The following ITGB5 variants were observed in gnomAD, a reference collection of about 807,000 sequenced individuals.
The protein encoded by ITGB5 is integrin beta-5.
A neutral mutation model predicts 84.8 loss-of-function variants in ITGB5; 38 were observed. The ratio of observed to expected loss-of-function variants is 0.45; its 90% CI spans 0.35 to 0.59. ITGB5 has a LOEUF of 0.59. Among genes scored for constraint, ITGB5 ranks in the 20% least tolerant of loss-of-function variants. ITGB5 has a pLI of 0.01. For synonymous variants in ITGB5, 393 were observed against 414.4 expected (o/e 0.95, Z 0.63); for missense variants, 905 against 1,034.5 (o/e 0.87, Z 1.72).
rs956212257 is a variant in ITGB5, at chr3:124,773,773, C to T, written c.1833G>A (p.Gly611=). ...CCCCCGGCTCCGTGCATTGGCACTG[C>T]CCACAGAGACAGTGCCCACGCTCGC... The part of the protein sequence containing the change: ...ICSERGHCLC[G]QCQCTEPGAF... Residue 611 remains glycine (G), a synonymous_variant, in exon 11 of 15, where the codon GGG becomes GGA. Transcript: ENST00000296181. 2 of 1,613,374 alleles carry T rather than the reference C, an allele frequency of 1.2e-6. No individual in the cohort carries two copies. Among genetic ancestry groups the T allele is most frequent in the African/African-American group, 2.7e-5 (2 of 74,930 alleles).
chr3:124,838,369 A>AT (rs1006751962), intron 5 of ITGB5, among the ~76,000 whole-genome samples: 5 of 152,082 alleles, frequency 3.3e-5, no homozygotes, highest in South Asian at 2.1e-4. Flanking sequence ...TCTTTTCCAC[A>AT]TTTTTTCTTT....
chr3:124,871,551 C>T (rs931814711), intron 2 of ITGB5, among the ~76,000 whole-genome samples: 9 of 152,170 alleles, frequency 5.9e-5, no homozygotes, highest in Non-Finnish European at 1.0e-4. Context: ...AGGGGCCGGG[C>T]ATGGTGGCTC....
At chr3:124,848,672 G>T in intron 3 of ITGB5, 114 bp from the exon 4 acceptor site, 1 of 1,161,340 alleles carries the variant, frequency 8.6e-7, no homozygotes, top group Non-Finnish European at 1.2e-6. Flanking sequence ...GTGATTGTGT[G>T]CCTCACAGAA....
rs189453031 is a variant in ITGB5, at chr3:124,826,591, C to T, written c.781-5117G>A. Reference sequence around the variant, plus strand: ...GTGTTCAGAGAGATGAAGTGACCAGCCCATCAACTAGCAAGGGCCAGAGAA... The same window carrying T: ...GTGTTCAGAGAGATGAAGTGACCAGTCCATCAACTAGCAAGGGCCAGAGAA... On this transcript the variant is annotated intron_variant, in intron 5 of 14. Coordinates refer to ENST00000296181, the MANE Select transcript of ITGB5 (RefSeq NM_002213.5). 3.3e-5 allele frequency among the ~76,000 whole-genome samples: 5 copies of T among 152,322 alleles called. No homozygotes were observed. The East Asian group carries it at 9.6e-4, about 29-fold the overall frequency.
At chr3:124,801,143 G>C (rs79904944) in intron 9 of ITGB5, among the ~76,000 whole-genome samples, 1 of 152,150 alleles carries the variant, frequency 6.6e-6, no homozygotes, top group African/African-American at 2.4e-5. Context: ...GGACGGGAGC[G>C]GGGAGGGGGT....
intron 5 of ITGB5, among the ~76,000 whole-genome samples, chr3:124,833,855 A>AAGGG (rs2064891779): frequency 6.6e-6 from 1 of 152,162 alleles, no homozygotes; most frequent in African/African-American, 2.4e-5. Flanking sequence ...TACTATCTCA[A>AAGGG]AGGGAGGCAG....
chr3:124,839,283 C>T (rs1484415302), intron 5 of ITGB5, among the ~76,000 whole-genome samples: 1 of 152,150 alleles, frequency 6.6e-6, no homozygotes, highest in Non-Finnish European at 1.5e-5. Context: ...CAGGTCCAGA[C>T]AATGAACTGA....
chr3:124,817,787 G>A (rs1490709972), intron 7 of ITGB5, 77 bp from the exon 8 acceptor site: 2 of 780,864 alleles, frequency 2.6e-6, no homozygotes, highest in Non-Finnish European at 4.3e-6. Flanking sequence ...GCTATACTGG[G>A]CTAGAACAGT....
rs1485998734 is a variant in ITGB5 at position 124,841,460 on chromosome 3, G to C, written c.703C>G (p.Arg235Gly). The C allele has an allele frequency of 6.2e-7, 1 of 1,614,094 alleles. No individual in the cohort carries two copies. Among genetic ancestry groups the C allele is most frequent in the African/African-American group, 1.3e-5 (1 of 74,930 alleles). The change falls in exon 5 of 15, where the codon CGG becomes GGG. Residue 235 changes from arginine to glycine, a missense_variant. Around this residue, in one of 3 missense-constraint regions of ITGB5, gnomAD observed 656 missense variants for 734.7 expected, o/e 0.89. Transcript: ENST00000296181. ...DRVDSFNEEVRKQRVSRNRDA... is the reference protein window; with the variant it reads ...DRVDSFNEEVGKQRVSRNRDA... ...CGGTTCCGGGACACCCTCTGTTTCC[G>C]AACTTCCTCATTGAAGCTGTCCACT...
At chr3:124,777,705 C>T (rs2063944876) in intron 10 of ITGB5, among the ~76,000 whole-genome samples, 1 of 152,234 alleles carries the variant, frequency 6.6e-6, no homozygotes, top group Non-Finnish European at 1.5e-5. Context: ...GTGGTGGGAG[C>T]TGGCACACAA....
intron 6 of ITGB5, 56 bp downstream of exon 6, chr3:124,821,257 C>T (rs761092399): frequency 1.5e-5 from 23 of 1,553,588 alleles, no homozygotes; most frequent in East Asian, 2.4e-5. Flanking sequence ...ACTAAGACCA[C>T]GGGCAGGGTC....
intron 1 of ITGB5, among the ~76,000 whole-genome samples, chr3:124,897,610 G>T (rs1389330762): frequency 6.6e-6 from 1 of 152,066 alleles, no homozygotes; most frequent in Non-Finnish European, 1.5e-5. Flanking sequence ...TTGAGCTCAG[G>T]GATTCAAGAC....
chr3:124,798,736 AT>A (rs939530164), intron 9 of ITGB5, among the ~76,000 whole-genome samples: 4 of 152,224 alleles, frequency 2.6e-5, no homozygotes, highest in African/African-American at 7.2e-5. Flanking sequence ...CACGATGTTC[AT>A]TTTTTGAGAA....
In ITGB5 at chr3:124,816,744, CTG is replaced by C. The variant is rs1299168012; in HGVS notation, c.1128+875_1128+876del. 3.9e-5 allele frequency among the ~76,000 whole-genome samples: 6 copies of C among 152,172 alleles called. No individual in the cohort carries two copies. The South Asian group carries it at 1.0e-3, about 26-fold the overall frequency. The stretch of plus-strand genomic sequence containing the variant: ...AAAGAGAAAGGCTTGGGAGGTGAGT[CTG>C]TGGATGCGTGGCTTGGAATGTGAAA... On this transcript the variant is annotated intron_variant, in intron 8 of 14. Transcript: ENST00000296181.
intron 8 of ITGB5, among the ~76,000 whole-genome samples, chr3:124,809,980 A>ATTGG: frequency 2.0e-5 from 3 of 152,196 alleles, no homozygotes; most frequent in African/African-American, 7.2e-5. Context: ...CCAACCTCAG[A>ATTGG]CCTAGCATTC....
intron 2 of ITGB5, among the ~76,000 whole-genome samples, chr3:124,866,487 G>T (rs2065392148): frequency 6.6e-6 from 1 of 152,214 alleles, no homozygotes; most frequent in African/African-American, 2.4e-5. Context: ...TGGGGGAAAA[G>T]ACAAATTCTT....
chr3:124,829,725 C>G (rs1054935122), intron 5 of ITGB5, among the ~76,000 whole-genome samples: 1 of 152,164 alleles, frequency 6.6e-6, no homozygotes, highest in Non-Finnish European at 1.5e-5. Context: ...CCTGCAAACC[C>G]CACCCTCTTT....
chr3:124,850,485 G>A (rs1026290803), intron 3 of ITGB5, among the ~76,000 whole-genome samples: 16 of 141,664 alleles, frequency 1.1e-4, no homozygotes, highest in African/African-American at 3.7e-4. Context: ...TGTTCTAGGC[G>A]CCTCAGGATT....
At chr3:124,882,421 T>C (rs1934614893) in intron 1 of ITGB5, among the ~76,000 whole-genome samples, 1 of 152,096 alleles carries the variant, frequency 6.6e-6, no homozygotes, top group South Asian at 2.1e-4. Flanking sequence ...GAGCAGGAGA[T>C]GCTAGAAAAA....
Sources: gnomAD v4.1 joint callset for allele counts (sites outside exome capture counted in the v4.1 genomes callset) on GRCh38, gnomAD v4.1.1 for gene constraint, gnomAD v4.1.1 regional missense constraint, MANE v1.5 for transcripts, NCBI Gene and HGNC (gene_info 2026-07-23, HGNC 2026-07-21) for gene names.